The following CLSTN2 variants were observed in gnomAD, a reference collection of about 807,000 sequenced individuals.
CLSTN2 encodes the protein calsyntenin 2, also known as calsyntenin-2.
CLSTN2 carries 48 observed loss-of-function variants against 101.2 expected under a neutral mutation model. The observed-to-expected ratio is 0.47, with a 90% CI of 0.38 to 0.60. The LOEUF is 0.60. CLSTN2 is among the 20% of genes least tolerant of loss of function. CLSTN2 has a pLI of 0.00. For synonymous variants in CLSTN2, 481 were observed against 463.6 expected (o/e 1.04, Z -0.48); for missense variants, 1,160 against 1,238.2 (o/e 0.94, Z 0.95).
Position 140,421,141 on chromosome 3 carries a change from T to C in CLSTN2, c.654T>C (p.Thr218=). The change falls in exon 5 of 17, where the codon ACT becomes ACC. Residue 218 remains threonine, a synonymous_variant. Coordinates refer to ENST00000458420, the MANE Select transcript of CLSTN2 (RefSeq NM_022131.3). ...AIDRNGNIRN[T]EKLSYDKQHQ... ...GTTCCTCAGGCAACATCAGGAACAC[T>C]GAGAAGCTGAGCTATGACAAACAAC... is the stretch of plus-strand genomic sequence containing the variant. 1 of 1,614,040 alleles carries C rather than the reference T, an allele frequency of 6.2e-7. No homozygotes were observed. The highest frequency in any genetic ancestry group is 8.5e-7 in the Non-Finnish European group (1 of 1,180,002).
intron 1 of CLSTN2, among the ~76,000 whole-genome samples, chr3:140,015,950 G>A (rs2007191640): frequency 6.6e-6 from 1 of 152,226 alleles, no homozygotes. Context: ...TCTGCCCTAG[G>A]CTAGGCCGTT....
intron 2 of CLSTN2, among the ~76,000 whole-genome samples, chr3:140,351,289 C>G (rs567175178): frequency 1.3e-5 from 2 of 152,090 alleles, no homozygotes; most frequent in Non-Finnish European, 2.9e-5. Context: ...AACATAAGAA[C>G]TGAGATTTTA....
chr3:140,296,450 C>A (rs534488858), intron 2 of CLSTN2, among the ~76,000 whole-genome samples: 36 of 152,166 alleles, frequency 2.4e-4, no homozygotes, highest in Non-Finnish European at 5.1e-4. Flanking sequence ...AAATGATACG[C>A]CATTGTCATT....
intron 2 of CLSTN2, among the ~76,000 whole-genome samples, chr3:140,196,738 A>G (rs2010648207): frequency 6.6e-6 from 1 of 152,218 alleles, no homozygotes; most frequent in African/African-American, 2.4e-5. Flanking sequence ...ACTTCTTCAC[A>G]CACAGGTTTC....
intron 1 of CLSTN2, among the ~76,000 whole-genome samples, chr3:140,112,235 T>A (rs190819194): frequency 6.6e-6 from 1 of 152,332 alleles, no homozygotes; most frequent in African/African-American, 2.4e-5. Flanking sequence ...AGAGAAACCA[T>A]CCTTTAACTA....
At chr3:140,145,700 T>C (rs1216034035) in intron 1 of CLSTN2, among the ~76,000 whole-genome samples, 1 of 152,226 alleles carries the variant, frequency 6.6e-6, no homozygotes, top group Non-Finnish European at 1.5e-5. Context: ...TTGTAACATA[T>C]TTCCAGCTTT....
intron 2 of CLSTN2, among the ~76,000 whole-genome samples, chr3:140,231,660 G>A (rs2350513): frequency 0.37 from 55,568 of 151,968 alleles, 12,169 homozygotes; most frequent in Non-Finnish European, 0.5. Flanking sequence ...TTATCTCTTC[G>A]TTGTTTGTCT....
chr3:140,473,976 G>A (rs1040033374), intron 8 of CLSTN2, among the ~76,000 whole-genome samples: 7 of 151,956 alleles, frequency 4.6e-5, no homozygotes, highest in East Asian at 3.9e-4. Context: ...AGGTTTCACC[G>A]TGTTGGCCAG....
intron 5 of CLSTN2, among the ~76,000 whole-genome samples, chr3:140,423,506 T>C (rs1334574780): frequency 1.3e-5 from 2 of 152,226 alleles, no homozygotes; most frequent in Non-Finnish European, 2.9e-5. Flanking sequence ...CATCCATTCA[T>C]AGTGTCGGGC....
chr3:140,273,820 T>TAATAA (rs1347964391), intron 2 of CLSTN2, among the ~76,000 whole-genome samples: 1 of 152,190 alleles, frequency 6.6e-6, no homozygotes, highest in East Asian at 1.9e-4. Flanking sequence ...AGGAAGGCAC[T>TAATAA]TTGTAGTTGA....
Position 140,223,019 on chromosome 3 carries a change from A to G in CLSTN2, c.232+46946A>G, listed in dbSNP as rs773356182. Among the ~76,000 whole-genome samples the G allele has an allele frequency of 4.3e-4, 65 of 152,196 alleles. 2 individuals carry two copies. The highest frequency in any genetic ancestry group is 4.4e-4 in the Non-Finnish European group (30 of 68,042). The stretch of plus-strand genomic sequence containing the variant: ...GGGGAAACTGAAACCCAGAGATACA[A>G]CACTTGGTGTTGTAGAGTTAAGAAT... On this transcript the variant is annotated intron_variant, in intron 2 of 16. Coordinates refer to ENST00000458420, the MANE Select transcript of CLSTN2 (RefSeq NM_022131.3).
intron 1 of CLSTN2, among the ~76,000 whole-genome samples, chr3:139,964,361 T>C (rs1000321921): frequency 1.3e-5 from 2 of 152,094 alleles, no homozygotes; most frequent in South Asian, 4.1e-4. Flanking sequence ...ATTTGGGCCA[T>C]GTTGGAGGTC....
intron 1 of CLSTN2, among the ~76,000 whole-genome samples, chr3:140,135,761 A>AT (rs1355736270): frequency 2.6e-5 from 4 of 152,080 alleles, no homozygotes; most frequent in East Asian, 1.9e-4. Flanking sequence ...CTCAACTATA[A>AT]TTTTTTTGCA....
At chr3:139,983,825 T>C (rs1241071617) in intron 1 of CLSTN2, among the ~76,000 whole-genome samples, 1 of 152,166 alleles carries the variant, frequency 6.6e-6, no homozygotes, top group Admixed American at 6.6e-5. Flanking sequence ...AAATGAAGCT[T>C]ACCCAATCAA....
rs563592257 is a variant in CLSTN2, at chr3:140,446,516, G to A, written c.788-2003G>A. On this transcript the variant is annotated intron_variant, in intron 5 of 16. Coordinates refer to ENST00000458420, the MANE Select transcript of CLSTN2 (RefSeq NM_022131.3). Reference sequence around the variant, plus strand: ...TGTATCAAAGTTGTGATGCAGGAGGGCGGATTGTCTCCTTCCTTGACAGGG... The same window carrying A: ...TGTATCAAAGTTGTGATGCAGGAGGACGGATTGTCTCCTTCCTTGACAGGG... 2.6e-5 allele frequency among the ~76,000 whole-genome samples: 4 copies of A among 152,246 alleles called. No homozygotes were observed. The South Asian group carries it at 8.3e-4, about 32-fold the overall frequency.
chr3:140,315,145 T>C (rs1317193917), intron 2 of CLSTN2, among the ~76,000 whole-genome samples: 1 of 152,154 alleles, frequency 6.6e-6, no homozygotes, highest in Non-Finnish European at 1.5e-5. Flanking sequence ...TTCACCCACA[T>C]CCGTGGATCC....
chr3:140,091,580 T>A (rs2008780966), intron 1 of CLSTN2, among the ~76,000 whole-genome samples: 1 of 152,200 alleles, frequency 6.6e-6, no homozygotes, highest in Non-Finnish European at 1.5e-5. Flanking sequence ...TTGCTGCACT[T>A]CTCTATGAAA....
chr3:140,433,849 T>G (rs1483660098), intron 5 of CLSTN2, among the ~76,000 whole-genome samples: 1 of 152,166 alleles, frequency 6.6e-6, no homozygotes, highest in Non-Finnish European at 1.5e-5. Flanking sequence ...CTGTCAGCAT[T>G]ATTTGCTGTC....
At chr3:140,167,728 G>A (rs1365621680) in intron 1 of CLSTN2, among the ~76,000 whole-genome samples, 1 of 151,984 alleles carries the variant, frequency 6.6e-6, no homozygotes, top group Admixed American at 6.6e-5. Context: ...CCAAACCCTA[G>A]CCACTACTGA....
Sources: allele counts gnomAD v4.1 joint callset (sites outside exome capture counted in the v4.1 genomes callset), GRCh38; gene constraint gnomAD v4.1.1; transcripts MANE v1.5; gene names NCBI Gene and HGNC (gene_info 2026-07-23, HGNC 2026-07-21).